REC8: variants seen among roughly 807,000 people sequenced by gnomAD.
REC8 encodes REC8 meiotic recombination protein.
REC8 carries 42 observed loss-of-function variants against 78.3 expected under a neutral mutation model. That is an observed-to-expected ratio of 0.54 (90% CI 0.42 to 0.69). REC8 has a LOEUF of 0.69. Among genes scored for constraint, REC8 ranks in the 30% least tolerant of loss-of-function variants. REC8 has a pLI of 0.00. For synonymous variants in REC8, 268 were observed against 274.1 expected (o/e 0.98, Z 0.22); for missense variants, 581 against 715.8 (o/e 0.81, Z 2.15).
rs115577457 is a variant in REC8 at position 24,179,090 on chromosome 14, G to A, written c.1209G>A (p.Pro403=). 1.9e-3 allele frequency: 3,078 copies of A among 1,598,532 alleles called. 50 individuals carry two copies. The African/African-American group carries it at 0.036, about 19-fold the overall frequency. Residue 403 remains proline, a synonymous_variant, in exon 15 of 19, where the codon CCG becomes CCA. Coordinates refer to ENST00000611366, the MANE Select transcript of REC8 (RefSeq NM_001048205.2). ...TCTACTTCTCCCATCCCCAGGTCCC[G>A]AGGGAGGCCCTGGAGCCCAGTGTTC... ...KIEVPSEIEV[P]REALEPSVPL...
At position 24,178,204 on chromosome 14, in the gene REC8, A is replaced by G. The variant is rs1004306494; in HGVS notation, c.978A>G (p.Arg326=). The G allele has an allele frequency of 1.2e-6, 2 of 1,613,956 alleles. No individual in the cohort carries two copies. The highest frequency in any genetic ancestry group is 1.3e-5 in the African/African-American group (1 of 75,028). The change falls in exon 12 of 19, where the codon AGA becomes AGG. Residue 326 remains arginine, a synonymous_variant. Transcript: ENST00000611366. ...AATTCCAGGAACAACTGCAAACCAG[A>G]GCCCACTGCTGGGAATGTGTGAGTG... The part of the protein sequence containing the change: ...PEKFQEQLQT[R]AHCWECPMVQ...
At chr14:24,173,224 G>A (rs2038746004) in intron 4 of REC8, 26 bp downstream of exon 4, 1 of 1,614,000 alleles carries the variant, frequency 6.2e-7, no homozygotes, top group Admixed American at 1.7e-5. Flanking sequence ...GCCTTTGATG[G>A]AACACCTGCT....
intron 6 of REC8, 82 bp downstream of exon 6, chr14:24,175,706 G>A: frequency 2.7e-6 from 3 of 1,096,610 alleles, no homozygotes; most frequent in Non-Finnish European, 4.1e-6. Flanking sequence ...GAGCTTAAGA[G>A]CCAGGCCTTG....
chr14:24,172,163 G>A lies in REC8; in HGVS notation c.-390G>A. The A allele has an allele frequency of 4.7e-6, 1 of 213,632 alleles. No individual in the cohort carries two copies. 13.2% of individuals were successfully genotyped at this position (213,632 alleles called of 1,614,324 possible). A position where few individuals can be genotyped will look rare whatever the true frequency, so the allele number is the denominator to read the frequency against. ...CCAGGGGCCTGACATCGCTCCCAGC[G>A]CTCGAGGACCGAGGCCTGCTGTGGA... On this transcript the variant is annotated 5_prime_UTR_variant, in exon 1 of 19. Transcript: ENST00000611366.
In REC8 at chr14:24,179,857, A is replaced by G; in HGVS notation, c.1509A>G (p.Ser503=). The part of the protein sequence containing the change: ...NREPDFSSLV[S]PLSPRRMAAR... ...AGCCCGACTTCAGCAGCCTGGTGTCACCTCTCAGCCCCCGCAGGATGGCTG... is the reference window on the plus strand; with the variant it reads ...AGCCCGACTTCAGCAGCCTGGTGTCGCCTCTCAGCCCCCGCAGGATGGCTG... Residue 503 remains serine (S), a synonymous_variant, in exon 18 of 19, where the codon TCA becomes TCG. Transcript: ENST00000611366. 2.5e-6 allele frequency: 4 copies of G among 1,613,486 alleles called. No homozygotes were observed. The highest frequency in any genetic ancestry group is 2.5e-6 in the Non-Finnish European group (3 of 1,179,720).
chr14:24,172,337 C>G lies in REC8; in HGVS notation c.-216C>G. The G allele has an allele frequency of 1.8e-6, 1 of 568,368 alleles. No homozygotes were observed. Among genetic ancestry groups the G allele is most frequent in the Middle Eastern group, 4.6e-4 (1 of 2,172 alleles). 35.2% of individuals were successfully genotyped at this position (568,368 alleles called of 1,614,324 possible). A position where few individuals can be genotyped will look rare whatever the true frequency, so the allele number is the denominator to read the frequency against. Reference sequence around the variant, plus strand: ...TCCACTGAGGGTCCACAGAGAGGGGCGCCCATCTCCTGCGTCTCAGTTATC... The same window carrying G: ...TCCACTGAGGGTCCACAGAGAGGGGGGCCCATCTCCTGCGTCTCAGTTATC... On this transcript the variant is annotated 5_prime_UTR_variant, in exon 1 of 19. Transcript: ENST00000611366.
Position 24,176,809 on chromosome 14 carries a change from CTT to C in REC8, c.545-12_545-11del. ...AAGAAGCAGAGAGGCTAGTGACTCTCTTGTCCCTCCAGAGAGGATTCCGGTCA... is the reference window on the plus strand; with the variant it reads ...AAGAAGCAGAGAGGCTAGTGACTCTCGTCCCTCCAGAGAGGATTCCGGTCA... On this transcript the variant is annotated splice_polypyrimidine_tract_variant and intron_variant, in intron 6 of 18. Transcript: ENST00000611366. The C allele has an allele frequency of 6.2e-7, 1 of 1,608,336 alleles. No homozygotes were observed. The highest frequency in any genetic ancestry group is 8.5e-7 in the Non-Finnish European group (1 of 1,175,930).
At chr14:24,180,259 G>A (rs756702300), downstream of REC8, 5 of 1,550,922 alleles carry the variant, frequency 3.2e-6, no homozygotes, top group Non-Finnish European at 4.4e-6. Context: ...ATTACAGTAT[G>A]ATGTCATGAC....
downstream of REC8, chr14:24,180,795 C>A: frequency 6.3e-7 from 1 of 1,598,364 alleles, no homozygotes; most frequent in Non-Finnish European, 8.5e-7. Flanking sequence ...GGCAGCAGCC[C>A]CAGACCCCAG....
At position 24,178,904 on chromosome 14, in the gene REC8, A is replaced by C; in HGVS notation, c.1191A>C (p.Pro397=). The change falls in exon 14 of 19, where the codon CCA becomes CCC. Residue 397 remains proline (P), a synonymous_variant. Transcript: ENST00000611366. ...AEEERRKIEV[P]SEIEVPREAL... is the part of the protein sequence containing the mutation. ...AGGAAAGGAGAAAGATTGAAGTTCC[A>C]AGTGAGATTGAGGTAACTGCACCAC... 1 of 1,613,278 alleles carries C rather than the reference A, an allele frequency of 6.2e-7. No homozygotes were observed. Among genetic ancestry groups the C allele is most frequent in the Non-Finnish European group, 8.5e-7 (1 of 1,179,952 alleles).
downstream of REC8, chr14:24,180,637 C>A: frequency 6.2e-7 from 1 of 1,612,798 alleles, no homozygotes; most frequent in East Asian, 2.2e-5. Flanking sequence ...GCTCTCTGAG[C>A]CCTGCCACTC....
At chr14:24,180,723 G>A (rs2039121374), downstream of REC8, 2 of 1,613,980 alleles carry the variant, frequency 1.2e-6, no homozygotes, top group Admixed American at 3.3e-5. Flanking sequence ...GAATGAGGCT[G>A]CAGATACGCA....
chr14:24,176,202 A>G (rs999969665), intron 6 of REC8, among the ~76,000 whole-genome samples: 5 of 148,420 alleles, frequency 3.4e-5, no homozygotes, highest in African/African-American at 1.2e-4. Context: ...GATTACAGGC[A>G]TGCACCACCA....
At chr14:24,176,772 T>C in intron 6 of REC8, 50 bp from the exon 7 acceptor site, 2 of 1,436,722 alleles carry the variant, frequency 1.4e-6, no homozygotes, top group African/African-American at 1.4e-5. Context: ...TGCATGGCTG[T>C]GGGAATTTGG....
In REC8 at chr14:24,175,523, T is replaced by C. The variant is rs1187938173; in HGVS notation, c.463-20T>C. ...GGCTGAAGCTGAACCCTATCTTTTG[T>C]TTCCAATCCCTCTCCAAAGATTCGA... On this transcript the variant is annotated intron_variant, in intron 5 of 18. Coordinates refer to ENST00000611366, the MANE Select transcript of REC8 (RefSeq NM_001048205.2). 1.2e-6 allele frequency: 2 copies of C among 1,602,700 alleles called. No homozygotes were observed. Among genetic ancestry groups the C allele is most frequent in the East Asian group, 4.5e-5 (2 of 44,824 alleles).
rs17101758 is a variant in REC8, at chr14:24,176,755, C to T, written c.545-67C>T. 8.7e-3 allele frequency: 11,126 copies of T among 1,275,056 alleles called. 232 individuals carry two copies. The highest frequency in any genetic ancestry group is 0.08 in the African/African-American group (5,421 of 67,862). The allele number at this position is 1,275,056 out of a possible 1,614,324, so 79.0% of individuals were successfully genotyped here. A position where few individuals can be genotyped will look rare whatever the true frequency, so the allele number is the denominator to read the frequency against. ...CCTTGACTTCAGAGTCCATGCTTTT[C>T]CTTAACTGCATGGCTGTGGGAATTT... On this transcript the variant is annotated intron_variant, in intron 6 of 18. Coordinates refer to ENST00000611366, the MANE Select transcript of REC8 (RefSeq NM_001048205.2).
At chr14:24,178,046 G>T (rs1594422972) in intron 11 of REC8, 45 bp from the exon 12 acceptor site, 1 of 1,583,408 alleles carries the variant, frequency 6.3e-7, no homozygotes, top group South Asian at 1.1e-5. Flanking sequence ...ACAGGAAAAG[G>T]AGTAATGGGC....
Position 24,178,100 on chromosome 14 carries a change from C to T in REC8, c.874C>T (p.Pro292Ser). 1 of 1,613,348 alleles carries T rather than the reference C, an allele frequency of 6.2e-7. No homozygotes were observed. Among genetic ancestry groups the T allele is most frequent in the South Asian group, 1.1e-5 (1 of 91,042 alleles). ...PAPPSPERRP[P>S]VPPPPRRRRR... is the part of the protein sequence containing the mutation. ...CCTCCCCACTCAACAGAGGAGGCCC[C>T]CAGTCCCCCCACCTCCTCGCCGCCG... The change falls in exon 12 of 19, where the codon CCA becomes TCA. Residue 292 changes from proline to serine, a missense_variant. Transcript: ENST00000611366.
In REC8 at chr14:24,177,484, GC is replaced by G; in HGVS notation, c.758del (p.Ala253AspfsTer7). On this transcript the variant is annotated frameshift_variant, in exon 10 of 19. Coordinates refer to ENST00000611366, the MANE Select transcript of REC8 (RefSeq NM_001048205.2). LOFTEE classifies it high-confidence loss of function. ...APAEVEGIGE[A>X]LGPEELRLTG... ...CCTCAGGGTGGAAGGAATAGGAGAG[GC>G]ACTGGGTCCTGAGGAGCTGAGGCTG... The G allele has an allele frequency of 6.2e-7, 1 of 1,614,168 alleles. No homozygotes were observed. Among genetic ancestry groups the G allele is most frequent in the Non-Finnish European group, 8.5e-7 (1 of 1,180,012 alleles).
Sources: gnomAD v4.1 joint callset for allele counts (sites outside exome capture counted in the v4.1 genomes callset) on GRCh38, gnomAD v4.1.1 for gene constraint, MANE v1.5 for transcripts, NCBI Gene and HGNC (gene_info 2026-07-23, HGNC 2026-07-21) for gene names.